TSPAN9: variants seen among roughly 807,000 people sequenced by gnomAD.
The protein encoded by TSPAN9 is tetraspanin 9.
TSPAN9 carries 16 observed loss-of-function variants against 31.0 expected under a neutral mutation model. That is an observed-to-expected ratio of 0.52 (90% CI 0.35 to 0.78). TSPAN9 has a LOEUF of 0.78. Ranked by LOEUF, TSPAN9 falls within the 30% of genes least tolerant of loss-of-function variation. The pLI is 0.01. For missense variants in TSPAN9, 272 were observed against 312.5 expected (o/e 0.87, Z 0.98); for synonymous variants, 145 against 121.6 (o/e 1.19, Z -1.27).
chr12:3,198,653 GCACAGC>G, intron 2 of TSPAN9, among the ~76,000 whole-genome samples: 1 of 98,710 alleles, frequency 1.0e-5, no homozygotes, highest in African/African-American at 4.3e-5. Flanking sequence ...CTCACCACCA[GCACAGC>G]TCACCACCAG....
intron 2 of TSPAN9, among the ~76,000 whole-genome samples, chr12:3,191,260 G>A (rs2098364261): frequency 6.8e-6 from 1 of 147,022 alleles, no homozygotes; most frequent in South Asian, 2.3e-4. Context: ...TGGCATCCAG[G>A]GTCATCTGTG....
At position 3,281,294 on chromosome 12, in the gene TSPAN9, T is replaced by G; in HGVS notation, c.529T>G (p.Cys177Gly). The G allele has an allele frequency of 6.4e-7, 1 of 1,551,068 alleles. No individual in the cohort carries two copies. Among genetic ancestry groups the G allele is most frequent in the Non-Finnish European group, 8.7e-7 (1 of 1,146,862 alleles). Residue 177 changes from cysteine (C) to glycine (G), a missense_variant, in exon 7 of 9, where the codon TGC (cysteine) becomes GGC (glycine). By Grantham distance (159) the Cys-to-Gly change is radical (BLOSUM62 -3). Coordinates refer to ENST00000011898, the MANE Select transcript of TSPAN9 (RefSeq NM_006675.5). Reference sequence around the variant, plus strand: ...CTGCTGCATGGAGAACTCCCAGGGCTGCGGGCGCAACGCCACCACGCCTTT... The same window carrying G: ...CTGCTGCATGGAGAACTCCCAGGGCGGCGGGCGCAACGCCACCACGCCTTT... ...DRCCMENSQG[C>G]GRNATTPLWR...
intron 2 of TSPAN9, among the ~76,000 whole-genome samples, chr12:3,138,583 A>G (rs1265144704): frequency 6.6e-6 from 1 of 151,356 alleles, no homozygotes; most frequent in Admixed American, 6.6e-5. Context: ...TCAGACTCCC[A>G]AGTATTTGGT....
At chr12:3,102,007 G>A (rs1260613939) in intron 2 of TSPAN9, among the ~76,000 whole-genome samples, 1 of 152,170 alleles carries the variant, frequency 6.6e-6, no homozygotes, top group Non-Finnish European at 1.5e-5. Context: ...CTGAGGAGGT[G>A]TCACCCCACT....
intron 2 of TSPAN9, among the ~76,000 whole-genome samples, chr12:3,140,277 G>A (rs1265108485): frequency 6.6e-6 from 1 of 152,104 alleles, no homozygotes; most frequent in South Asian, 2.1e-4. Context: ...GGGGAGTCTC[G>A]GAATTTGGTG....
intron 2 of TSPAN9, among the ~76,000 whole-genome samples, chr12:3,097,447 G>T (rs1349502344): frequency 6.6e-6 from 1 of 152,206 alleles, no homozygotes; most frequent in East Asian, 1.9e-4. Flanking sequence ...TAAAAAGCGA[G>T]GCTCCAGGAG....
chr12:3,177,905 C>T (rs573648213), intron 2 of TSPAN9, among the ~76,000 whole-genome samples: 4 of 152,304 alleles, frequency 2.6e-5, no homozygotes, highest in African/African-American at 4.8e-5. Flanking sequence ...CCAGTGTCCT[C>T]GTCCGCCAGG....
chr12:3,105,855 T>C (rs74057534), intron 2 of TSPAN9, among the ~76,000 whole-genome samples: 6 of 97,024 alleles, frequency 6.2e-5, no homozygotes, highest in East Asian at 2.9e-4. Context: ...CTCACACACG[T>C]TCACACACAC....
chr12:3,120,745 C>T (rs1171416203), intron 2 of TSPAN9, among the ~76,000 whole-genome samples: 3 of 152,236 alleles, frequency 2.0e-5, no homozygotes, highest in African/African-American at 4.8e-5. Context: ...GGAGCATTGC[C>T]GCTGATCAGT....
chr12:3,260,072 G>A (rs910051193), intron 3 of TSPAN9, among the ~76,000 whole-genome samples: 1 of 152,228 alleles, frequency 6.6e-6, no homozygotes, highest in African/African-American at 2.4e-5. Flanking sequence ...AGATGCCTGT[G>A]AGGCATCCAG....
intron 1 of TSPAN9, among the ~76,000 whole-genome samples, chr12:3,080,082 C>CCCAG (rs2098297161): frequency 1.3e-5 from 2 of 152,066 alleles, no homozygotes; most frequent in Non-Finnish European, 2.9e-5. Context: ...AGCCACCACG[C>CCCAG]CCAGCCCCTT....
intron 2 of TSPAN9, among the ~76,000 whole-genome samples, chr12:3,108,015 G>A (rs2098315537): frequency 6.6e-6 from 1 of 152,168 alleles, no homozygotes; most frequent in Admixed American, 6.5e-5. Flanking sequence ...TACTCCTTGT[G>A]TACTCAGTTT....
chr12:3,229,379 G>C (rs954892802), intron 3 of TSPAN9, among the ~76,000 whole-genome samples: 1 of 152,210 alleles, frequency 6.6e-6, no homozygotes, highest in South Asian at 2.1e-4. Flanking sequence ...AACCTGCACT[G>C]GGTATGTGGC....
chr12:3,209,175 C>T (rs1434765258), intron 3 of TSPAN9, among the ~76,000 whole-genome samples: 1 of 150,498 alleles, frequency 6.6e-6, no homozygotes, highest in African/African-American at 2.4e-5. Context: ...GTGGAGGTTG[C>T]AGTGAGCCAA....
intron 2 of TSPAN9, among the ~76,000 whole-genome samples, chr12:3,089,593 T>C (rs1565571468): frequency 6.6e-6 from 1 of 151,940 alleles, no homozygotes; most frequent in Non-Finnish European, 1.5e-5. Context: ...CTGCGCCTGG[T>C]CTCAAGGTGA....
At chr12:3,087,084 C>T (rs1407474417) in intron 2 of TSPAN9, among the ~76,000 whole-genome samples, 1 of 152,182 alleles carries the variant, frequency 6.6e-6, no homozygotes, top group Non-Finnish European at 1.5e-5. Flanking sequence ...AAACAGGGTG[C>T]AGCCATGCAC....
chr12:3,232,475 G>A lies in TSPAN9; in HGVS notation c.63+31219G>A, dbSNP rs527949481. Among the ~76,000 whole-genome samples, 3 of 152,262 alleles carry A rather than the reference G, an allele frequency of 2.0e-5. No individual in the cohort carries two copies. The South Asian group carries it at 6.2e-4, about 32-fold the overall frequency. On this transcript the variant is annotated intron_variant, in intron 3 of 8. Coordinates refer to ENST00000011898, the MANE Select transcript of TSPAN9 (RefSeq NM_006675.5). ...CCCATCCCCTGCCCTGATGCTTTCC[G>A]TCTCCTGCCTTCTGCTCCCTGCAAT...
intron 2 of TSPAN9, among the ~76,000 whole-genome samples, chr12:3,193,846 C>G (rs573734522): frequency 6.6e-6 from 1 of 152,356 alleles, no homozygotes; most frequent in East Asian, 1.9e-4. Context: ...GTTTATCTGT[C>G]CTTCTGTCTG....
intron 2 of TSPAN9, among the ~76,000 whole-genome samples, chr12:3,117,031 A>G (rs907209432): frequency 2.6e-5 from 4 of 152,184 alleles, no homozygotes; most frequent in Non-Finnish European, 4.4e-5. Flanking sequence ...AGGGTGACAG[A>G]TCTTCACCTT....
Sources: allele counts gnomAD v4.1 joint callset (sites outside exome capture counted in the v4.1 genomes callset), GRCh38; gene constraint gnomAD v4.1.1; transcripts MANE v1.5; gene names NCBI Gene and HGNC (gene_info 2026-07-23, HGNC 2026-07-21).